Variants in MAST4 observed in about 807,000 individuals in gnomAD.
The protein encoded by MAST4 is microtubule associated serine/threonine kinase family member 4.
Under a neutral mutation model 162.7 loss-of-function variants are expected in MAST4, and 89 were observed. The observed-to-expected ratio is 0.55, with a 90% CI of 0.46 to 0.65. The LOEUF (loss-of-function observed/expected upper bound fraction) is 0.65, where lower values mean the gene tolerates loss of function less well. Ranked by LOEUF, MAST4 falls within the 30% of genes least tolerant of loss-of-function variation. The probability of loss-of-function intolerance (pLI) is 0.00; values close to 1 mark genes in which losing one functional copy is unlikely to be tolerated. For missense variants in MAST4, 3,153 were observed against 3,374.0 expected (o/e 0.93, Z 1.62); for synonymous variants, 1,479 against 1,361.1 (o/e 1.09, Z -1.91).
intron 7 of MAST4, among the ~76,000 whole-genome samples, chr5:67,097,119 T>G (rs1032855223): frequency 6.6e-6 from 1 of 152,152 alleles, no homozygotes; most frequent in Non-Finnish European, 1.5e-5. Flanking sequence ...GTCTCTCTTT[T>G]GCAAGAAAAA....
At chr5:66,743,160 C>T (rs1188139238) in intron 1 of MAST4, among the ~76,000 whole-genome samples, 3 of 152,218 alleles carry the variant, frequency 2.0e-5, no homozygotes, top group Non-Finnish European at 4.4e-5. Context: ...AGCCCTTGTT[C>T]TCTGTCCCAT....
intron 3 of MAST4, among the ~76,000 whole-genome samples, chr5:66,871,129 G>A (rs986411223): frequency 2.0e-5 from 3 of 149,632 alleles, no homozygotes; most frequent in Non-Finnish European, 4.5e-5. Flanking sequence ...GCCAGTTTCC[G>A]GTACCAGTGT....
At chr5:66,691,278 C>CT (rs1749022154) in intron 1 of MAST4, among the ~76,000 whole-genome samples, 2 of 152,140 alleles carry the variant, frequency 1.3e-5, no homozygotes, top group African/African-American at 4.8e-5. Flanking sequence ...AATTCAGTAT[C>CT]TTTTCAGTAC....
intron 5 of MAST4, among the ~76,000 whole-genome samples, chr5:67,057,965 G>A (rs1446179539): frequency 2.6e-5 from 4 of 151,234 alleles, no homozygotes; most frequent in South Asian, 2.1e-4. Flanking sequence ...AAGTGGCCAG[G>A]CACAGTGGTC....
intron 3 of MAST4, among the ~76,000 whole-genome samples, chr5:66,889,013 G>A (rs1469245150): frequency 6.6e-6 from 1 of 152,162 alleles, no homozygotes; most frequent in Non-Finnish European, 1.5e-5. Context: ...ATTCTAAAAG[G>A]TGTCTTATAT....
intron 3 of MAST4, among the ~76,000 whole-genome samples, chr5:66,869,090 G>A (rs1027375379): frequency 3.9e-5 from 6 of 152,084 alleles, no homozygotes; most frequent in Non-Finnish European, 5.9e-5. Flanking sequence ...CTGTGCTTTA[G>A]AACTCTTAAA....
chr5:67,165,269 G>A lies in MAST4; in HGVS notation c.6090G>A (p.Gln2030=), dbSNP rs778018422. The change falls in exon 29 of 29, where the codon CAG becomes CAA. Residue 2030 remains glutamine (Q), a synonymous_variant. Transcript: ENST00000403625. The part of the protein sequence containing the change: ...RTHPDFYTQT[Q]AMEKAWAPGG... Reference sequence around the variant, plus strand: ...ACCCAGATTTCTATACACAGACCCAGGCCATGGAGAAAGCATGGGCGCCGG... The same window carrying A: ...ACCCAGATTTCTATACACAGACCCAAGCCATGGAGAAAGCATGGGCGCCGG... 3.1e-6 allele frequency: 5 copies of A among 1,613,248 alleles called. No individual in the cohort carries two copies. The highest frequency in any genetic ancestry group is 4.2e-6 in the Non-Finnish European group (5 of 1,179,870).
intron 3 of MAST4, among the ~76,000 whole-genome samples, chr5:66,837,894 ATTT>A (rs754095073): frequency 2.6e-3 from 141 of 53,556 alleles, no homozygotes; most frequent in African/African-American, 0.013. Context: ...ATATATATAT[ATTT>A]TTTTTTTTTT....
intron 3 of MAST4, among the ~76,000 whole-genome samples, chr5:66,844,420 C>T (rs1758663124): frequency 6.6e-6 from 1 of 152,048 alleles, no homozygotes; most frequent in Non-Finnish European, 1.5e-5. Context: ...AAACAGTAAT[C>T]AGCTACATTC....
chr5:66,644,399 G>GCTTA (rs1377455326), intron 1 of MAST4, among the ~76,000 whole-genome samples: 1 of 152,186 alleles, frequency 6.6e-6, no homozygotes, highest in East Asian at 1.9e-4. Context: ...CAAAGTCTAT[G>GCTTA]CTTAGGTAAC....
intron 4 of MAST4, among the ~76,000 whole-genome samples, chr5:67,002,552 A>C (rs1159097920): frequency 6.6e-6 from 1 of 152,200 alleles, no homozygotes; most frequent in Admixed American, 6.5e-5. Flanking sequence ...GAGTAGAAAG[A>C]AGCACATTGT....
At chr5:67,060,637 CT>C (rs1759457543) in intron 5 of MAST4, among the ~76,000 whole-genome samples, 3 of 152,028 alleles carry the variant, frequency 2.0e-5, no homozygotes. Flanking sequence ...GCCACCACGC[CT>C]GGCTAATTTT....
chr5:67,118,660 AC>A (rs1478820672), intron 12 of MAST4, 21 bp from the exon 13 acceptor site: 15 of 1,405,600 alleles, frequency 1.1e-5, no homozygotes, highest in Non-Finnish European at 1.5e-5. Context: ...ATTAAGCTTA[AC>A]TTTTTTTTTT....
At chr5:67,089,798 C>A (rs1450410836) in intron 5 of MAST4, among the ~76,000 whole-genome samples, 1 of 152,224 alleles carries the variant, frequency 6.6e-6, no homozygotes, top group Non-Finnish European at 1.5e-5. Context: ...CCCATGCATC[C>A]TGCTCATTGA....
intron 4 of MAST4, among the ~76,000 whole-genome samples, chr5:66,964,417 A>T (rs1216307120): frequency 1.3e-5 from 2 of 152,186 alleles, no homozygotes; most frequent in African/African-American, 4.8e-5. Context: ...CTTTTCATGA[A>T]TTCACTATTT....
chr5:66,613,939 T>TG (rs11462524), intron 1 of MAST4, among the ~76,000 whole-genome samples: 47,308 of 152,180 alleles, frequency 0.31, 7,951 homozygotes, highest in African/African-American at 0.43. Context: ...TTTACTGGTA[T>TG]GGGCCATCTG....
chr5:66,769,354 G>C (rs1754257827), intron 2 of MAST4, among the ~76,000 whole-genome samples: 1 of 152,150 alleles, frequency 6.6e-6, no homozygotes, highest in African/African-American at 2.4e-5. Context: ...CTGGGACTTG[G>C]GTGCATGGTG....
chr5:66,718,733 G>C (rs10039407), intron 1 of MAST4, among the ~76,000 whole-genome samples: 2,576 of 152,258 alleles, frequency 0.017, 74 homozygotes, highest in African/African-American at 0.058. Context: ...TTCCTGTAAA[G>C]CTTCGTTATC....
At chr5:66,792,649 G>A (rs747997043) in intron 3 of MAST4, 2 of 152,074 alleles carry the variant, frequency 1.3e-5, no homozygotes, top group African/African-American at 4.8e-5. Context: ...TTGCTGTCCA[G>A]TGTGCATCTT....
Sources: allele counts gnomAD v4.1 joint callset (sites outside exome capture counted in the v4.1 genomes callset), GRCh38; gene constraint gnomAD v4.1.1; transcripts MANE v1.5; gene names NCBI Gene and HGNC (gene_info 2026-07-23, HGNC 2026-07-21).